TECPR2: variants seen among roughly 807,000 people sequenced by gnomAD.
TECPR2 encodes tectonin beta-propeller repeat-containing protein 2.
Under a neutral mutation model 138.1 loss-of-function variants are expected in TECPR2, and 65 were observed. The observed-to-expected ratio is 0.47, with a 90% CI of 0.39 to 0.58. The LOEUF (loss-of-function observed/expected upper bound fraction) is 0.58, where lower values mean the gene tolerates loss of function less well. TECPR2 is among the 20% of genes least tolerant of loss of function. The pLI, the probability that TECPR2 is intolerant of heterozygous loss-of-function variation, is 0.00. For synonymous variants in TECPR2, 746 were observed against 749.8 expected, an observed-to-expected ratio of 0.99 and a Z score of 0.08; for missense variants, 1,553 against 1,824.5, an observed-to-expected ratio of 0.85 and a Z score of 2.71.
intron 16 of TECPR2, among the ~76,000 whole-genome samples, chr14:102,461,266 A>T (rs1890403909): frequency 6.6e-6 from 1 of 152,212 alleles, no homozygotes; most frequent in Admixed American, 6.5e-5. Context: ...CAGGCATTGG[A>T]ATGTTTAGCA....
intron 2 of TECPR2, among the ~76,000 whole-genome samples, chr14:102,398,469 G>A (rs1888379282): frequency 6.6e-6 from 1 of 152,118 alleles, no homozygotes; most frequent in South Asian, 2.1e-4. Flanking sequence ...GAGAGACATG[G>A]ATATAAACAT....
intron 15 of TECPR2, among the ~76,000 whole-genome samples, chr14:102,451,604 C>G (rs963522287): frequency 1.3e-5 from 2 of 152,086 alleles, no homozygotes; most frequent in Non-Finnish European, 2.9e-5. Flanking sequence ...CGCACTTCAC[C>G]GGGGAGCGCC....
intron 2 of TECPR2, among the ~76,000 whole-genome samples, chr14:102,378,578 G>T (rs1452026932): frequency 6.6e-6 from 1 of 152,048 alleles, no homozygotes; most frequent in Non-Finnish European, 1.5e-5. Flanking sequence ...GTAAATGGCA[G>T]CACCATCATG....
intron 18 of TECPR2, among the ~76,000 whole-genome samples, chr14:102,497,338 T>G (rs1434984558): frequency 6.6e-6 from 1 of 152,102 alleles, no homozygotes; most frequent in African/African-American, 2.4e-5. Flanking sequence ...GAGGGCAGTT[T>G]GCACACTGCC....
intron 5 of TECPR2, among the ~76,000 whole-genome samples, chr14:102,424,459 C>T (rs1889261546): frequency 6.6e-6 from 1 of 152,140 alleles, no homozygotes; most frequent in Non-Finnish European, 1.5e-5. Flanking sequence ...CTCAGCCTCC[C>T]GAGTAGCTGG....
chr14:102,495,750 G>A lies in TECPR2; in HGVS notation c.3790-1229G>A, dbSNP rs192643333. Among the ~76,000 whole-genome samples the A allele has an allele frequency of 7.5e-4, 114 of 152,370 alleles. 2 individuals carry two copies. The highest frequency in any genetic ancestry group is 2.7e-3 in the African/African-American group (111 of 41,584). On this transcript the variant is annotated intron_variant, in intron 17 of 19. Coordinates refer to ENST00000359520, the MANE Select transcript of TECPR2 (RefSeq NM_014844.5). ...CCATCCTCCATGTCCTGATCCACTGGGACTGGCCCTGGGGCTGAGGTGTGA... is the reference window on the plus strand; with the variant it reads ...CCATCCTCCATGTCCTGATCCACTGAGACTGGCCCTGGGGCTGAGGTGTGA...
At position 102,434,781 on chromosome 14, in the gene TECPR2, G is replaced by A. The variant is rs1203995408; in HGVS notation, c.1964G>A (p.Ser655Asn). 1 of 1,613,372 alleles carries A rather than the reference G, an allele frequency of 6.2e-7. No homozygotes were observed. Among genetic ancestry groups the A allele is most frequent in the Admixed American group, 1.7e-5 (1 of 60,030 alleles). The change falls in exon 9 of 20, where the codon AGC (serine) becomes AAC (asparagine). Residue 655 changes from serine (S) to asparagine (N), a missense_variant. Ser to Asn is a conservative substitution (Grantham distance 46, BLOSUM62 1). Transcript: ENST00000359520. ...TCACTCACTGTGCCTTCCAGCCTCA[G>A]CTGGGCCCCAAGTGCTGAACAGTGG... is the stretch of plus-strand genomic sequence containing the variant. ...LNSLTVPSSLSWAPSAEQWLP... is the reference protein window; with the variant it reads ...LNSLTVPSSLNWAPSAEQWLP...
chr14:102,394,833 G>A (rs1004495629), intron 2 of TECPR2, among the ~76,000 whole-genome samples: 10 of 152,092 alleles, frequency 6.6e-5, no homozygotes, highest in African/African-American at 2.4e-4. Context: ...TCTTCATCAC[G>A]ATTTCACTGC....
At chr14:102,380,136 C>T (rs78444222) in intron 2 of TECPR2, among the ~76,000 whole-genome samples, 120 of 149,336 alleles carry the variant, frequency 8.0e-4, no homozygotes, top group Non-Finnish European at 1.0e-3. Flanking sequence ...TGCACAGAGG[C>T]GTCCTGGTCA....
chr14:102,366,328 C>G (rs1321374223), intron 1 of TECPR2, among the ~76,000 whole-genome samples: 1 of 152,038 alleles, frequency 6.6e-6, no homozygotes, highest in Non-Finnish European at 1.5e-5. Context: ...ACTAAGGAAG[C>G]ATTATTCATT....
chr14:102,431,321 ATTCTTTTAGTT>A (rs1889465270), intron 7 of TECPR2, among the ~76,000 whole-genome samples: 2 of 146,854 alleles, frequency 1.4e-5, no homozygotes, highest in Middle Eastern at 7.5e-3. Context: ...CTTTTGTATG[ATTCTTTTAGTT>A]TTGGTGGATT....
In TECPR2 at chr14:102,496,971, G is replaced by C. The variant is rs772801372; in HGVS notation, c.3790-8G>C. The C allele has an allele frequency of 3.1e-6, 5 of 1,612,926 alleles. No homozygotes were observed. Among genetic ancestry groups the C allele is most frequent in the Non-Finnish European group, 4.2e-6 (5 of 1,179,564 alleles). On this transcript the variant is annotated splice_polypyrimidine_tract_variant and splice_region_variant and intron_variant, in intron 17 of 19. Transcript: ENST00000359520. ...CTGCCTTCCCTGAAAGTCCCTTCCC[G>C]CTTCCAGCCCGCCGGGGTCAGCTTG... is the stretch of plus-strand genomic sequence containing the variant.
intron 17 of TECPR2, among the ~76,000 whole-genome samples, chr14:102,479,805 A>G (rs1356521296): frequency 6.6e-6 from 1 of 152,308 alleles, no homozygotes; most frequent in East Asian, 1.9e-4. Flanking sequence ...CGTCGCTTGT[A>G]TGCATGATAC....
chr14:102,435,540 G>A (rs78778159), intron 9 of TECPR2, among the ~76,000 whole-genome samples: 6,358 of 152,234 alleles, frequency 0.042, 156 homozygotes, highest in Middle Eastern at 0.092. Context: ...ATTGGCCTGG[G>A]GCCATCTCAG....
At chr14:102,432,185 G>A (rs1889516089) in intron 8 of TECPR2, 57 bp downstream of exon 8, 1 of 1,425,566 alleles carries the variant, frequency 7.0e-7, no homozygotes, top group Non-Finnish European at 9.2e-7. Context: ...CAGATTCTCT[G>A]GGAGTGCTGC....
intron 3 of TECPR2, among the ~76,000 whole-genome samples, chr14:102,408,039 C>G (rs1332708017): frequency 3.4e-5 from 5 of 146,032 alleles, no homozygotes; most frequent in African/African-American, 7.6e-5. Flanking sequence ...CGTGGTGGTG[C>G]GTGCCTGTAG....
rs544552971 is a variant in TECPR2, at chr14:102,492,765, G to C, written c.3790-4214G>C. On this transcript the variant is annotated intron_variant, in intron 17 of 19. Coordinates refer to ENST00000359520, the MANE Select transcript of TECPR2 (RefSeq NM_014844.5). The stretch of plus-strand genomic sequence containing the variant: ...CCAGGTGAGCAACGCGTGAGGGGGC[G>C]TGTGTGTCCGGAAGGGACGACTGGC... 6.6e-5 allele frequency among the ~76,000 whole-genome samples: 10 copies of C among 152,362 alleles called. No individual in the cohort carries two copies. The East Asian group carries it at 1.5e-3, about 24-fold the overall frequency.
At chr14:102,492,387 C>T (rs1215023232) in intron 17 of TECPR2, among the ~76,000 whole-genome samples, 1 of 152,246 alleles carries the variant, frequency 6.6e-6, no homozygotes, top group South Asian at 2.1e-4. Flanking sequence ...CCGGGGCTCT[C>T]CTTCTCCTTC....
At chr14:102,440,682 A>G in intron 11 of TECPR2, 73 bp downstream of exon 11, 1 of 1,525,918 alleles carries the variant, frequency 6.6e-7, no homozygotes, top group Non-Finnish European at 8.9e-7. Flanking sequence ...CTTTGCTAGT[A>G]ACATGCTTAC....
Sources: gnomAD v4.1 joint callset for allele counts (sites outside exome capture counted in the v4.1 genomes callset) on GRCh38, gnomAD v4.1.1 for gene constraint, MANE v1.5 for transcripts, NCBI Gene and HGNC (gene_info 2026-07-23, HGNC 2026-07-21) for gene names.